TTC17: variants seen among roughly 807,000 people sequenced by gnomAD.
The protein encoded by TTC17 is tetratricopeptide repeat protein 17.
Under a neutral mutation model 143.8 loss-of-function variants are expected in TTC17, and 58 were observed. The ratio of observed to expected loss-of-function variants is 0.40; its 90% confidence interval spans 0.33 to 0.50. TTC17 has a LOEUF of 0.50. TTC17 is among the 20% of genes least tolerant of loss of function. The pLI is 0.49. For missense variants in TTC17, 1,273 were observed against 1,392.5 expected (o/e 0.91, Z 1.37); for synonymous variants, 501 against 497.8 (o/e 1.01, Z -0.09).
At chr11:43,418,679 A>G (rs1413391964) in intron 16 of TTC17, among the ~76,000 whole-genome samples, 1 of 152,254 alleles carries the variant, frequency 6.6e-6, no homozygotes, top group African/African-American at 2.4e-5. Flanking sequence ...GGAAAAAATA[A>G]AAGTGTCACA....
chr11:43,457,983 C>A (rs923529270), intron 21 of TTC17, among the ~76,000 whole-genome samples: 1 of 151,904 alleles, frequency 6.6e-6, no homozygotes, highest in Non-Finnish European at 1.5e-5. Flanking sequence ...AGAATAGGTA[C>A]AATGAAAAGC....
intron 5 of TTC17, among the ~76,000 whole-genome samples, chr11:43,395,885 G>T (rs1446129051): frequency 2.6e-5 from 4 of 152,034 alleles, no homozygotes; most frequent in African/African-American, 9.7e-5. Context: ...TTTTTACACA[G>T]CTTTATAGTT....
chr11:43,436,150 C>G, intron 16 of TTC17: 1 of 1,373,642 alleles, frequency 7.3e-7, no homozygotes, highest in Non-Finnish European at 9.4e-7. Flanking sequence ...ATATCTGTGT[C>G]TCTTGTCATT....
chr11:43,490,507 G>C, intron 22 of TTC17, 149 bp downstream of exon 22: 1 of 1,281,774 alleles, frequency 7.8e-7, no homozygotes, highest in South Asian at 1.9e-5. Context: ...TTCTGACTGG[G>C]CTTGTGCCCC....
At chr11:43,469,761 C>T (rs1948057591) in intron 21 of TTC17, among the ~76,000 whole-genome samples, 1 of 152,166 alleles carries the variant, frequency 6.6e-6, no homozygotes, top group Non-Finnish European at 1.5e-5. Context: ...GTCTTTGTTA[C>T]TTAATTGTCG....
At chr11:43,382,563 C>T (rs1280334966) in intron 2 of TTC17, among the ~76,000 whole-genome samples, 1 of 152,176 alleles carries the variant, frequency 6.6e-6, no homozygotes, top group African/African-American at 2.4e-5. Context: ...AAGGATGTTG[C>T]TTGCTACTTT....
intron 18 of TTC17, 61 bp from the exon 19 acceptor site, chr11:43,447,941 A>T: frequency 6.3e-7 from 1 of 1,590,626 alleles, no homozygotes; most frequent in Admixed American, 1.7e-5. Context: ...ACCAGGGCAT[A>T]AGGCCCTTTG....
At position 43,389,665 on chromosome 11, in the gene TTC17, C is replaced by T. The variant is rs1420053475; in HGVS notation, c.263C>T (p.Ala88Val). ...TCTTCTCAACAGAAACAATTAGTTG[C>T]TCAAAAAATTCACATAGAAGAGAAT... ...YLKELEKQLV[A>V]QKIHIEENED... Residue 88 changes from alanine (A) to valine (V), a missense_variant, in exon 3 of 24, where the codon GCT (alanine) becomes GTT (valine). Ala to Val is a moderately conservative substitution (Grantham distance 64). This residue lies in a region of TTC17 where 325 missense variants were observed against 444.2 expected (regional missense o/e 0.73). Transcript: ENST00000039989. 1 of 1,605,550 alleles carries T rather than the reference C, an allele frequency of 6.2e-7. No individual in the cohort carries two copies. The highest frequency in any genetic ancestry group is 8.5e-7 in the Non-Finnish European group (1 of 1,177,414).
intron 1 of TTC17, among the ~76,000 whole-genome samples, chr11:43,367,808 C>A (rs956803391): frequency 2.0e-5 from 3 of 151,760 alleles, no homozygotes; most frequent in Admixed American, 2.0e-4. Context: ...CCTCTCTCTT[C>A]CTTTTTTAAG....
At chr11:43,369,101 G>C (rs1173838332) in intron 1 of TTC17, among the ~76,000 whole-genome samples, 1 of 152,144 alleles carries the variant, frequency 6.6e-6, no homozygotes, top group African/African-American at 2.4e-5. Context: ...TCTTGATCCA[G>C]CTTTTCACTT....
At chr11:43,479,419 T>C (rs939920295) in intron 21 of TTC17, among the ~76,000 whole-genome samples, 3 of 152,132 alleles carry the variant, frequency 2.0e-5, no homozygotes, top group Admixed American at 6.5e-5. Context: ...AGATATTCAG[T>C]TGATGGGTTA....
chr11:43,433,501 T>C (rs6485423), intron 16 of TTC17, among the ~76,000 whole-genome samples: 149,550 of 152,238 alleles, frequency 0.98, 73,510 homozygotes, highest in East Asian at 1. Flanking sequence ...GCCCCAATTT[T>C]GTGAATTTGA....
At chr11:43,421,823 T>G (rs1946912214) in intron 16 of TTC17, among the ~76,000 whole-genome samples, 1 of 150,734 alleles carries the variant, frequency 6.6e-6, no homozygotes, top group African/African-American at 2.4e-5. Context: ...GTGCTCGAAT[T>G]ATGCCAAAAC....
chr11:43,363,244 G>A (rs1355465522), intron 1 of TTC17, among the ~76,000 whole-genome samples: 1 of 152,146 alleles, frequency 6.6e-6, no homozygotes, highest in African/African-American at 2.4e-5. Context: ...TTAATCCCTA[G>A]TTTGGCAATA....
At position 43,493,827 on chromosome 11, in the gene TTC17, G is replaced by A. The variant is rs28709458; in HGVS notation, c.3349G>A (p.Glu1117Lys). The A allele has an allele frequency of 2.6e-5, 42 of 1,613,936 alleles. No homozygotes were observed. In the East Asian group the frequency reaches 2.9e-4, roughly 11 times the overall value. The change falls in exon 24 of 24, where the codon GAG becomes AAG. Residue 1117 changes from glutamate (E) to lysine (K), a missense_variant. Coordinates refer to ENST00000039989, the MANE Select transcript of TTC17 (RefSeq NM_018259.6). ...WYESTLKLQP[E>K]FVPAKNRIQT... ...TGAATCCACATTGAAGCTTCAGCCCGAGTTTGTCCCAGCCAAGAACCGAAT... is the reference window on the plus strand; with the variant it reads ...TGAATCCACATTGAAGCTTCAGCCCAAGTTTGTCCCAGCCAAGAACCGAAT...
At chr11:43,449,909 AAGAAGAAATCCT>A in intron 19 of TTC17, 161 bp from the exon 20 acceptor site, 1 of 708,740 alleles carries the variant, frequency 1.4e-6, no homozygotes, top group Non-Finnish European at 2.3e-6. Context: ...TATATCTTGG[AAGAAGAAATCCT>A]AGAAGAAAAC....
chr11:43,480,713 A>G (rs568227662), intron 21 of TTC17, among the ~76,000 whole-genome samples: 93 of 152,312 alleles, frequency 6.1e-4, no homozygotes, highest in African/African-American at 2.2e-3. Flanking sequence ...TAGGTTTTCA[A>G]AAGCCCTTTT....
intron 16 of TTC17, among the ~76,000 whole-genome samples, chr11:43,416,760 T>C (rs1946789014): frequency 6.6e-6 from 1 of 152,182 alleles, no homozygotes; most frequent in Admixed American, 6.5e-5. Context: ...ATTAATTTAC[T>C]AAATTTAGTT....
In TTC17 at chr11:43,492,343, AC is replaced by A. The variant is rs759435311; in HGVS notation, c.3294+181del. Among the ~76,000 whole-genome samples the A allele has an allele frequency of 9.8e-4, 149 of 152,220 alleles. 1 individual carries two copies. The highest frequency in any genetic ancestry group is 1.4e-3 in the Non-Finnish European group (95 of 68,044). ...TTCGAGAGGTTTTTTAAAACATAAT[AC>A]ATGAAATTCTTCTAAGTATTTGCAA... On this transcript the variant is annotated intron_variant, in intron 23 of 23. Transcript: ENST00000039989.
Sources: gnomAD v4.1 joint callset for allele counts (sites outside exome capture counted in the v4.1 genomes callset) on GRCh38, gnomAD v4.1.1 for gene constraint, gnomAD v4.1.1 regional missense constraint, MANE v1.5 for transcripts, NCBI Gene and HGNC (gene_info 2026-07-23, HGNC 2026-07-21) for gene names.